Variants in ZDHHC17 observed in about 807,000 individuals in gnomAD.
ZDHHC17 encodes the protein zDHHC palmitoyltransferase 17.
Under a neutral mutation model 90.3 loss-of-function variants are expected in ZDHHC17, and 40 were observed. That is an observed-to-expected ratio of 0.44 (90% CI 0.34 to 0.58). The LOEUF (loss-of-function observed/expected upper bound fraction) is 0.58, where lower values mean the gene tolerates loss of function less well. Among genes scored for constraint, ZDHHC17 ranks in the 20% least tolerant of loss-of-function variants. ZDHHC17 has a pLI of 0.01. For missense variants in ZDHHC17, 614 were observed against 780.8 expected (o/e 0.79, Z 2.55); for synonymous variants, 235 against 252.4 (o/e 0.93, Z 0.65).
At chr12:76,835,125 A>G (rs1451561021) in intron 10 of ZDHHC17, among the ~76,000 whole-genome samples, 2 of 148,502 alleles carry the variant, frequency 1.3e-5, no homozygotes, top group Non-Finnish European at 3.0e-5. Flanking sequence ...ATCTCAACTC[A>G]CTGCCACCTC....
intron 13 of ZDHHC17, among the ~76,000 whole-genome samples, chr12:76,846,133 G>A (rs1416882705): frequency 6.6e-6 from 1 of 152,004 alleles, no homozygotes; most frequent in Non-Finnish European, 1.5e-5. Flanking sequence ...TGACAGATAA[G>A]AACAGTACAC....
At chr12:76,848,653 A>T (rs1052294830) in intron 15 of ZDHHC17, among the ~76,000 whole-genome samples, 6 of 152,190 alleles carry the variant, frequency 3.9e-5, no homozygotes, top group Non-Finnish European at 8.8e-5. Context: ...GTGTGAGCTC[A>T]GATTGATGAT....
chr12:76,786,400 G>A (rs1180806610), intron 1 of ZDHHC17, among the ~76,000 whole-genome samples: 3 of 152,174 alleles, frequency 2.0e-5, no homozygotes, highest in Non-Finnish European at 2.9e-5. Flanking sequence ...GGGATGGCAG[G>A]CACCTGCCAC....
chr12:76,791,663 A>C (rs758553379), intron 1 of ZDHHC17, among the ~76,000 whole-genome samples: 5 of 152,110 alleles, frequency 3.3e-5, no homozygotes, highest in Non-Finnish European at 5.9e-5. Context: ...TTAGTATACT[A>C]TACTATACAT....
chr12:76,787,621 T>C (rs1044025083), intron 1 of ZDHHC17, among the ~76,000 whole-genome samples: 4 of 136,112 alleles, frequency 2.9e-5, no homozygotes, highest in Admixed American at 1.4e-4. Context: ...TCTCTCCCTC[T>C]CTCTCTCTCT....
At chr12:76,837,600 A>G (rs576663387) in intron 10 of ZDHHC17, among the ~76,000 whole-genome samples, 2 of 152,344 alleles carry the variant, frequency 1.3e-5, no homozygotes, top group African/African-American at 2.4e-5. Context: ...TTTTCTTAAT[A>G]TACAGTGTGT....
At position 76,842,075 on chromosome 12, in the gene ZDHHC17, T is replaced by A. The variant is rs1437363542; in HGVS notation, c.1235T>A (p.Ile412Asn). The A allele has an allele frequency of 1.3e-6, 2 of 1,592,224 alleles. No homozygotes were observed. Among genetic ancestry groups the A allele is most frequent in the Non-Finnish European group, 1.7e-6 (2 of 1,170,504 alleles). The change falls in exon 11 of 17, where the codon ATT becomes AAT. Residue 412 changes from isoleucine to asparagine, a missense_variant. Physicochemically the swap from Ile to Asn is moderately radical, Grantham distance 149. This residue lies in a region of ZDHHC17 where 117 missense variants were observed against 183.6 expected (regional missense o/e 0.64). Coordinates refer to ENST00000426126, the MANE Select transcript of ZDHHC17 (RefSeq NM_015336.4). The stretch of plus-strand genomic sequence containing the variant: ...AAATCTTGGAAATCAGATCCAGGGA[T>A]TATTAAAGCAACAGAAGAGCAAAAG... ...FGKSWKSDPGIIKATEEQKKK... is the reference protein window; with the variant it reads ...FGKSWKSDPGNIKATEEQKKK...
chr12:76,846,045 AT>A lies in ZDHHC17; in HGVS notation c.1423+253del, dbSNP rs138413326. On this transcript the variant is annotated intron_variant, in intron 13 of 16. Coordinates refer to ENST00000426126, the MANE Select transcript of ZDHHC17 (RefSeq NM_015336.4). ...TGCCTACTCTTGATAAGGAGGCAAAATTTTTTTTTTCTAGTTAAACTAGAGA... is the reference window on the plus strand; with the variant it reads ...TGCCTACTCTTGATAAGGAGGCAAAATTTTTTTTTCTAGTTAAACTAGAGA... 7.3e-5 allele frequency among the ~76,000 whole-genome samples: 11 copies of A among 150,916 alleles called. No individual in the cohort carries two copies. The East Asian group carries it at 7.8e-4, about 11-fold the overall frequency.
chr12:76,841,957 C>T, intron 10 of ZDHHC17, 25 bp from the exon 11 acceptor site: 2 of 1,436,520 alleles, frequency 1.4e-6, no homozygotes. Flanking sequence ...ATCATTGCTT[C>T]TTTAGATTCC....
chr12:76,849,052 G>C (rs1276974441), intron 15 of ZDHHC17, among the ~76,000 whole-genome samples: 2 of 149,764 alleles, frequency 1.3e-5, no homozygotes, highest in Admixed American at 1.3e-4. Flanking sequence ...TGGAAGCCGA[G>C]GTGGGCGGAT....
At chr12:76,821,201 C>T (rs1041930519) in intron 7 of ZDHHC17, 184 of 1,189,796 alleles carry the variant, frequency 1.5e-4, no homozygotes, top group Non-Finnish European at 1.8e-4. Flanking sequence ...TTAGCTGGTT[C>T]TGACAACTTA....
intron 5 of ZDHHC17, 132 bp downstream of exon 5, chr12:76,809,989 G>C (rs1953000468): frequency 2.1e-6 from 2 of 933,486 alleles, no homozygotes; most frequent in Non-Finnish European, 3.1e-6. Flanking sequence ...CATAAATATA[G>C]TGAGTTTGAT....
chr12:76,772,981 C>G (rs1952513879), intron 1 of ZDHHC17, among the ~76,000 whole-genome samples: 1 of 151,132 alleles, frequency 6.6e-6, no homozygotes, highest in Non-Finnish European at 1.5e-5. Flanking sequence ...CTCAGCCTCC[C>G]TCCCGAGTAC....
At chr12:76,795,217 G>GGTGTGT (rs71085456) in intron 1 of ZDHHC17, among the ~76,000 whole-genome samples, 194 of 148,708 alleles carry the variant, frequency 1.3e-3, no homozygotes, top group African/African-American at 3.9e-3. Flanking sequence ...TTGGTTCATG[G>GGTGTGT]GTGTGTGTGT....
At chr12:76,808,913 ATTAT>A (rs1030336717) in intron 3 of ZDHHC17, 126 bp from the exon 4 acceptor site, 7 of 469,980 alleles carry the variant, frequency 1.5e-5, no homozygotes, top group African/African-American at 6.1e-5. Flanking sequence ...ACCACAAAAG[ATTAT>A]TTATTTTCAA....
At chr12:76,797,934 A>C (rs1441583014) in intron 2 of ZDHHC17, among the ~76,000 whole-genome samples, 2 of 116,512 alleles carry the variant, frequency 1.7e-5, no homozygotes, top group Non-Finnish European at 3.5e-5. Flanking sequence ...ACAAGAGTGA[A>C]ACTCTGCCAC....
At chr12:76,837,768 A>G (rs1434933503) in intron 10 of ZDHHC17, among the ~76,000 whole-genome samples, 3 of 152,004 alleles carry the variant, frequency 2.0e-5, no homozygotes, top group East Asian at 1.9e-4. Flanking sequence ...CATGTGTTGA[A>G]TTATCTTTGT....
intron 14 of ZDHHC17, among the ~76,000 whole-genome samples, 176 bp downstream of exon 14, chr12:76,846,855 A>G (rs1953501526): frequency 6.6e-6 from 1 of 152,238 alleles, no homozygotes; most frequent in Admixed American, 6.5e-5. Context: ...TGTCCAATAT[A>G]CAGTGTAAGC....
At position 76,764,195 on chromosome 12, in the gene ZDHHC17, G is replaced by C; in HGVS notation, c.-42G>C. ...CGCGCTCGCCCCGCGCTCGCCCTCCGCCTCGCCCGAGCCCCGGGAGGGTGA... is the reference window on the plus strand; with the variant it reads ...CGCGCTCGCCCCGCGCTCGCCCTCCCCCTCGCCCGAGCCCCGGGAGGGTGA... On this transcript the variant is annotated 5_prime_UTR_variant, in exon 1 of 17. Transcript: ENST00000426126. 5 of 1,231,278 alleles carry C rather than the reference G, an allele frequency of 4.1e-6. No individual in the cohort carries two copies. Among genetic ancestry groups the C allele is most frequent in the Non-Finnish European group, 5.5e-6 (5 of 907,046 alleles). 76.3% of individuals were successfully genotyped at this position (1,231,278 alleles called of 1,614,324 possible). A position where few individuals can be genotyped will look rare whatever the true frequency, so the allele number is the denominator to read the frequency against.
Sources: allele counts gnomAD v4.1 joint callset (sites outside exome capture counted in the v4.1 genomes callset), GRCh38; gene constraint gnomAD v4.1.1; regional missense constraint gnomAD v4.1.1; transcripts MANE v1.5; gene names NCBI Gene and HGNC (gene_info 2026-07-23, HGNC 2026-07-21).